Variants in GLS observed in about 807,000 individuals in gnomAD.
GLS encodes glutaminase.
A neutral mutation model predicts 86.7 loss-of-function variants in GLS; 36 were observed. That is an observed-to-expected ratio of 0.42 (90% CI 0.32 to 0.55). The LOEUF (loss-of-function observed/expected upper bound fraction) is 0.55, where lower values mean the gene tolerates loss of function less well. Ranked by LOEUF, GLS falls within the 20% of genes least tolerant of loss-of-function variation. The pLI is 0.17. For missense variants in GLS, 528 were observed against 833.4 expected (o/e 0.63, Z 4.51); for synonymous variants, 317 against 305.9 (o/e 1.04, Z -0.38).
intron 1 of GLS, among the ~76,000 whole-genome samples, chr2:190,890,346 T>TC (rs1359846860): frequency 2.6e-5 from 4 of 152,078 alleles, no homozygotes; most frequent in Admixed American, 6.5e-5. Flanking sequence ...ACCACACTCT[T>TC]CTAGGACTCT....
At position 190,910,319 on chromosome 2, in the gene GLS, A is replaced by C. The variant is rs147745434; in HGVS notation, c.1036A>C (p.Lys346Gln). ...AGAIVVTSLI[K>Q]QGVNNAEKFD... ...AGCAATTGTTGTGACTTCACTAATA[A>C]AGGTAAAATGTTGATGTTTCATTTT... The change falls in exon 7 of 18, where the codon AAG becomes CAG. Residue 346 changes from lysine to glutamine, a missense_variant and splice_region_variant. Lys to Gln is a moderately conservative substitution (Grantham distance 53, BLOSUM62 1). Coordinates refer to ENST00000320717, the MANE Select transcript of GLS (RefSeq NM_014905.5). The C allele has an allele frequency of 2.3e-4, 352 of 1,558,422 alleles. 1 individual carries two copies. Among genetic ancestry groups the C allele is most frequent in the Non-Finnish European group, 2.9e-4 (330 of 1,135,254 alleles).
Position 190,949,960 on chromosome 2 carries a change from CAA to C in GLS, c.1651-3603_1651-3602del, listed in dbSNP as rs1283857777. Among the ~76,000 whole-genome samples the C allele has an allele frequency of 2.0e-5, 3 of 147,004 alleles. No individual in the cohort carries two copies. The East Asian group carries it at 5.9e-4, about 29-fold the overall frequency. ...ATACTTTATATATAGTTATATATAACAAATATAGTTAAAAAGGATATAGTTAA... is the reference window on the plus strand; with the variant it reads ...ATACTTTATATATAGTTATATATAACATATAGTTAAAAAGGATATAGTTAA... On this transcript the variant is annotated intron_variant, in intron 14 of 17. Transcript: ENST00000320717. The surrounding 1 kb of genome is among the most constrained non-coding windows in gnomAD (Gnocchi z 4.0).
intron 7 of GLS, among the ~76,000 whole-genome samples, chr2:190,915,111 C>G (rs539608764): frequency 1.3e-5 from 2 of 151,484 alleles, no homozygotes; most frequent in East Asian, 3.9e-4. Flanking sequence ...CTGCCTCAGC[C>G]TCCCGAGTAG....
In GLS at chr2:190,880,828, A is replaced by G. The variant is rs894492084; in HGVS notation, c.-257A>G. ...CCCCTGCGCTTTAGCCTCAGTGCGG[A>G]GCCTTAGGCGGAGCGAAGAGAACCG... On this transcript the variant is annotated 5_prime_UTR_variant, in exon 1 of 18. Coordinates refer to ENST00000320717, the MANE Select transcript of GLS (RefSeq NM_014905.5). The G allele has an allele frequency of 2.8e-4, 210 of 737,016 alleles. 1 individual carries two copies. The highest frequency in any genetic ancestry group is 7.4e-4 in the Middle Eastern group (2 of 2,692). 45.7% of individuals were successfully genotyped at this position (737,016 alleles called of 1,614,324 possible). A position where few individuals can be genotyped will look rare whatever the true frequency, so the allele number is the denominator to read the frequency against.
At chr2:190,932,571 C>A in intron 14 of GLS, 1 of 469,624 alleles carries the variant, frequency 2.1e-6, no homozygotes, top group South Asian at 6.7e-5. Flanking sequence ...GGGAGTCGAC[C>A]TGAGTAACAT....
rs1312043799 is a variant in GLS at position 190,914,275 on chromosome 2, T to C, written c.1038+3954T>C. On this transcript the variant is annotated intron_variant, in intron 7 of 17. Transcript: ENST00000320717. The surrounding 1 kb of genome is among the most constrained non-coding windows in gnomAD (Gnocchi z 4.4). ...AATGTATATGTGATGTTCAGTTTGGTTATGTTAGCAATAACCTGTTAGGCA... is the reference window on the plus strand; with the variant it reads ...AATGTATATGTGATGTTCAGTTTGGCTATGTTAGCAATAACCTGTTAGGCA... Among the ~76,000 whole-genome samples, 3 of 152,228 alleles carry C rather than the reference T, an allele frequency of 2.0e-5. No individual in the cohort carries two copies. Among genetic ancestry groups the C allele is most frequent in the African/African-American group, 7.2e-5 (3 of 41,454 alleles).
chr2:190,899,024 ACTT>A (rs1688850376), intron 3 of GLS, among the ~76,000 whole-genome samples: 1 of 152,156 alleles, frequency 6.6e-6, no homozygotes, highest in Admixed American at 6.5e-5. Context: ...TGCATTTATA[ACTT>A]CTTGAAAAAT....
chr2:190,932,110 C>T (rs774360094), intron 14 of GLS, among the ~76,000 whole-genome samples: 3 of 151,826 alleles, frequency 2.0e-5, no homozygotes, highest in Non-Finnish European at 4.4e-5. Flanking sequence ...AGTGAGAGAC[C>T]GTATGAAGCC....
chr2:190,961,087 C>A (rs943502949), intron 17 of GLS, among the ~76,000 whole-genome samples: 3 of 152,056 alleles, frequency 2.0e-5, no homozygotes, highest in Non-Finnish European at 4.4e-5. Flanking sequence ...GTAGATGTAC[C>A]CACCTGATAA....
intron 13 of GLS, among the ~76,000 whole-genome samples, chr2:190,931,141 T>C (rs1162619370): frequency 1.3e-5 from 2 of 152,312 alleles, no homozygotes; most frequent in Non-Finnish European, 2.9e-5. Context: ...TAAAATTGTT[T>C]TATTTTCCAG....
chr2:190,883,023 A>G (rs1231013473), intron 1 of GLS, among the ~76,000 whole-genome samples: 1 of 152,228 alleles, frequency 6.6e-6, no homozygotes, highest in Non-Finnish European at 1.5e-5. Flanking sequence ...CTTAAAGGCT[A>G]CAAGATGGGA....
At position 190,962,993 on chromosome 2, in the gene GLS, C is replaced by G. The variant is rs1293296123; in HGVS notation, c.*7C>G. On this transcript the variant is annotated 3_prime_UTR_variant, in exon 18 of 18. Transcript: ENST00000320717. The surrounding 1 kb of genome is among the most constrained non-coding windows in gnomAD (Gnocchi z 4.2). ...TCTTGATGGATTGTTGTAATGGTCT[C>G]AAATCCCAAGATTTAAATCACTTAC... 1.3e-6 allele frequency: 2 copies of G among 1,573,146 alleles called. No individual in the cohort carries two copies. The highest frequency in any genetic ancestry group is 1.2e-5 in the South Asian group (1 of 84,660).
At chr2:190,916,338 C>A (rs1483228577) in intron 7 of GLS, among the ~76,000 whole-genome samples, 2 of 151,998 alleles carry the variant, frequency 1.3e-5, no homozygotes, top group African/African-American at 4.8e-5. Context: ...GTTTCTCCAC[C>A]CAGCTCACCC....
At position 190,921,748 on chromosome 2, in the gene GLS, C is replaced by CT; in HGVS notation, c.1130+546dup. Among the ~76,000 whole-genome samples, 1 of 152,014 alleles carries CT rather than the reference C, an allele frequency of 6.6e-6. No homozygotes were observed. Among genetic ancestry groups the CT allele is most frequent in the South Asian group, 2.1e-4 (1 of 4,822 alleles). On this transcript the variant is annotated intron_variant, in intron 9 of 17. Coordinates refer to ENST00000320717, the MANE Select transcript of GLS (RefSeq NM_014905.5). This position sits in a 1 kb window ranked among gnomAD's most constrained non-coding sequence, Gnocchi z 4.2. ...CCTTAGATAAGAAAGCACATACAGT[C>CT]TAAGAATAAGGACATTCTCCTACAT...
At position 190,949,159 on chromosome 2, in the gene GLS, AAAATT is replaced by A. The variant is rs992461276; in HGVS notation, c.1651-4403_1651-4399del. On this transcript the variant is annotated intron_variant, in intron 14 of 17. Transcript: ENST00000320717. The surrounding 1 kb of genome is among the most constrained non-coding windows in gnomAD (Gnocchi z 4.0). Reference sequence around the variant, plus strand: ...TTTTGCTCTATTGAGGTTGAGAAGAAAAATTAAGTTAGCTGGACTGAAGAACCTTG... The same window carrying A: ...TTTTGCTCTATTGAGGTTGAGAAGAAAAGTTAGCTGGACTGAAGAACCTTG... Among the ~76,000 whole-genome samples, 71 of 152,294 alleles carry A rather than the reference AAAATT, an allele frequency of 4.7e-4. No homozygotes were observed. Among genetic ancestry groups the A allele is most frequent in the African/African-American group, 1.6e-3 (68 of 41,560 alleles).
chr2:190,924,281 A>AT lies in GLS; in HGVS notation c.1198-255dup, dbSNP rs1367164156. On this transcript the variant is annotated intron_variant, in intron 10 of 17. Coordinates refer to ENST00000320717, the MANE Select transcript of GLS (RefSeq NM_014905.5). The surrounding 1 kb of genome is among the most constrained non-coding windows in gnomAD (Gnocchi z 5.2). ...GCCTGATTACTGTTAACTACTCTTGATTTTTTTAAGTGGCTGGTCTAGTAA... is the reference window on the plus strand; with the variant it reads ...GCCTGATTACTGTTAACTACTCTTGATTTTTTTTAAGTGGCTGGTCTAGTAA... Among the ~76,000 whole-genome samples, 4 of 152,126 alleles carry AT rather than the reference A, an allele frequency of 2.6e-5. No individual in the cohort carries two copies. Among genetic ancestry groups the AT allele is most frequent in the Non-Finnish European group, 5.9e-5 (4 of 67,990 alleles).
At chr2:190,887,834 T>C (rs1688437546) in intron 1 of GLS, among the ~76,000 whole-genome samples, 1 of 152,204 alleles carries the variant, frequency 6.6e-6, no homozygotes, top group Non-Finnish European at 1.5e-5. Context: ...TACATTCATA[T>C]GAGGGTCTCT....
chr2:190,958,729 T>C (rs1299001187), intron 17 of GLS, among the ~76,000 whole-genome samples: 1 of 152,226 alleles, frequency 6.6e-6, no homozygotes, highest in East Asian at 1.9e-4. Context: ...TTGTACAGTT[T>C]TGAGTGAGTT....
chr2:190,884,302 G>A (rs1008957406), intron 1 of GLS, among the ~76,000 whole-genome samples: 1 of 152,094 alleles, frequency 6.6e-6, no homozygotes, highest in African/African-American at 2.4e-5. Flanking sequence ...CCAAAGCTCT[G>A]TTCTTAAATT....
Sources: gnomAD v4.1 joint callset for allele counts (sites outside exome capture counted in the v4.1 genomes callset) on GRCh38, gnomAD v4.1.1 for gene constraint, Gnocchi (gnomAD v3.1) non-coding constraint, MANE v1.5 for transcripts, NCBI Gene and HGNC (gene_info 2026-07-23, HGNC 2026-07-21) for gene names.